The following ANTXR1 variants were observed in gnomAD, a reference collection of about 807,000 sequenced individuals.
The protein encoded by ANTXR1 is anthrax toxin receptor 1.
Under a neutral mutation model 78.1 loss-of-function variants are expected in ANTXR1, and 19 were observed. The observed-to-expected ratio is 0.24, with a 90% CI of 0.17 to 0.36. The LOEUF (loss-of-function observed/expected upper bound fraction) is 0.36. ANTXR1 is among the 10% of genes least tolerant of loss of function. The pLI, the probability that ANTXR1 is intolerant of heterozygous loss-of-function variation, is 1.00. For missense variants in ANTXR1, 518 were observed against 718.6 expected (o/e 0.72, Z 3.19); for synonymous variants, 273 against 260.5 (o/e 1.05, Z -0.46).
intron 1 of ANTXR1, among the ~76,000 whole-genome samples, chr2:69,017,723 T>A (rs1671063443): frequency 6.6e-6 from 1 of 152,150 alleles, no homozygotes; most frequent in South Asian, 2.1e-4. Context: ...CTGGTTATAG[T>A]CAGGAAAAAT....
At chr2:69,082,952 G>C (rs769455909) in intron 8 of ANTXR1, among the ~76,000 whole-genome samples, 1 of 152,188 alleles carries the variant, frequency 6.6e-6, no homozygotes, top group Non-Finnish European at 1.5e-5. Context: ...AGGATTTCTC[G>C]CAAGCTGTGG....
chr2:69,176,853 C>T (rs1389446736), intron 14 of ANTXR1, among the ~76,000 whole-genome samples: 1 of 152,192 alleles, frequency 6.6e-6, no homozygotes, highest in Non-Finnish European at 1.5e-5. Flanking sequence ...TTGAAACCTG[C>T]AGTGAACTGG....
chr2:69,181,984 A>G, intron 15 of ANTXR1, 103 bp downstream of exon 15: 1 of 1,146,720 alleles, frequency 8.7e-7, no homozygotes. Context: ...AGGCATGCCC[A>G]GGGCAGTATG....
At chr2:69,036,572 G>A (rs1040102375) in intron 1 of ANTXR1, among the ~76,000 whole-genome samples, 2 of 152,148 alleles carry the variant, frequency 1.3e-5, no homozygotes, top group African/African-American at 4.8e-5. Context: ...ATGGGATAAA[G>A]GAGGTTTGGA....
chr2:69,218,591 G>T (rs1171084601), intron 17 of ANTXR1, among the ~76,000 whole-genome samples: 1 of 152,134 alleles, frequency 6.6e-6, no homozygotes, highest in Non-Finnish European at 1.5e-5. Flanking sequence ...AAAGGGCAAG[G>T]TTGTCTGCCA....
intron 14 of ANTXR1, among the ~76,000 whole-genome samples, chr2:69,177,587 C>G (rs1370010213): frequency 6.6e-6 from 1 of 152,182 alleles, no homozygotes; most frequent in Admixed American, 6.5e-5. Flanking sequence ...AACACAACTT[C>G]CCTTGATGGG....
Position 69,077,455 on chromosome 2 carries a change from C to T in ANTXR1, c.609C>T (p.Asp203=), listed in dbSNP as rs778922656. 1.5e-5 allele frequency: 24 copies of T among 1,614,040 alleles called. No homozygotes were observed. The East Asian group carries it at 2.9e-4, about 19-fold the overall frequency. The change falls in exon 8 of 18, where the codon GAC becomes GAT. Residue 203 remains aspartate, a synonymous_variant. Coordinates refer to ENST00000303714, the MANE Select transcript of ANTXR1 (RefSeq NM_032208.3). ...DSKDHVFPVN[D]GFQALQGIIH... Reference sequence around the variant, plus strand: ...AGGATCATGTGTTTCCCGTGAATGACGGCTTTCAGGCTCTGCAAGGCATCA... The same window carrying T: ...AGGATCATGTGTTTCCCGTGAATGATGGCTTTCAGGCTCTGCAAGGCATCA...
intron 3 of ANTXR1, among the ~76,000 whole-genome samples, chr2:69,046,631 C>T (rs1669777640): frequency 6.6e-6 from 1 of 152,170 alleles, no homozygotes; most frequent in South Asian, 2.1e-4. Context: ...GGTTTATGGA[C>T]ACACCCCCAA....
At chr2:69,102,110 G>A (rs2104316948) in intron 9 of ANTXR1, among the ~76,000 whole-genome samples, 1 of 152,366 alleles carries the variant, frequency 6.6e-6, no homozygotes. Context: ...ATCAATTCAA[G>A]TAGGTAGTGC....
chr2:69,227,937 G>A (rs1675496008), intron 17 of ANTXR1, among the ~76,000 whole-genome samples: 1 of 152,220 alleles, frequency 6.6e-6, no homozygotes, highest in South Asian at 2.1e-4. Flanking sequence ...TGCAAGGAAG[G>A]CTGGGAAATG....
intron 9 of ANTXR1, among the ~76,000 whole-genome samples, chr2:69,099,734 A>G (rs1366625660): frequency 6.6e-6 from 1 of 152,222 alleles, no homozygotes; most frequent in Non-Finnish European, 1.5e-5. Context: ...AGCCTCAGAA[A>G]ATAAACAGGA....
At chr2:69,044,710 T>A (rs1669713153) in intron 2 of ANTXR1, 32 bp from the exon 3 acceptor site, 1 of 1,609,878 alleles carries the variant, frequency 6.2e-7, no homozygotes, top group Non-Finnish European at 8.5e-7. Flanking sequence ...AGTCTTATTG[T>A]CTGTCCTAAT....
At chr2:69,039,839 G>C (rs1669561359) in intron 1 of ANTXR1, among the ~76,000 whole-genome samples, 1 of 151,792 alleles carries the variant, frequency 6.6e-6, no homozygotes, top group African/African-American at 2.4e-5. Context: ...TGCGAGATTG[G>C]GGGAGTTCTT....
intron 3 of ANTXR1, among the ~76,000 whole-genome samples, chr2:69,058,313 A>G (rs1374493097): frequency 6.6e-6 from 1 of 152,242 alleles, no homozygotes; most frequent in African/African-American, 2.4e-5. Context: ...AAATCTTCAA[A>G]GGACAGCCTA....
intron 12 of ANTXR1, among the ~76,000 whole-genome samples, chr2:69,141,378 T>C (rs558334010): frequency 6.6e-6 from 1 of 152,276 alleles, no homozygotes; most frequent in African/African-American, 2.4e-5. Context: ...GAAAAAGAAG[T>C]CTTACATTCA....
In ANTXR1 at chr2:69,216,853, G is replaced by A. The variant is rs900442470; in HGVS notation, c.1434+23438G>A. ...TCAGTTCTTCCTACATTCTTGACCCGTGTTTGGCACTCAGAACAAGTGACC... is the reference window on the plus strand; with the variant it reads ...TCAGTTCTTCCTACATTCTTGACCCATGTTTGGCACTCAGAACAAGTGACC... On this transcript the variant is annotated intron_variant, in intron 17 of 17. Coordinates refer to ENST00000303714, the MANE Select transcript of ANTXR1 (RefSeq NM_032208.3). Among the ~76,000 whole-genome samples, 15 of 152,290 alleles carry A rather than the reference G, an allele frequency of 9.8e-5. No homozygotes were observed. The South Asian group carries it at 1.7e-3, about 17-fold the overall frequency.
intron 14 of ANTXR1, 128 bp downstream of exon 14, chr2:69,170,417 C>G (rs1673951256): frequency 9.2e-7 from 1 of 1,085,088 alleles, no homozygotes; most frequent in Admixed American, 2.0e-5. Flanking sequence ...ATTTAATGTA[C>G]CTGCCTGTGA....
chr2:69,231,742 C>G (rs1034532504), intron 17 of ANTXR1, among the ~76,000 whole-genome samples: 1 of 152,118 alleles, frequency 6.6e-6, no homozygotes, highest in African/African-American at 2.4e-5. Context: ...CATTGTACCT[C>G]AACAGGCCTC....
At chr2:69,176,163 T>A (rs1304890276) in intron 14 of ANTXR1, among the ~76,000 whole-genome samples, 1 of 150,974 alleles carries the variant, frequency 6.6e-6, no homozygotes, top group African/African-American at 2.4e-5. Flanking sequence ...TTCTATGTTT[T>A]AATACTTTAA....
Sources: gnomAD v4.1 joint callset for allele counts (sites outside exome capture counted in the v4.1 genomes callset) on GRCh38, gnomAD v4.1.1 for gene constraint, MANE v1.5 for transcripts, NCBI Gene and HGNC (gene_info 2026-07-23, HGNC 2026-07-21) for gene names.